Variants in DHX57 observed in about 807,000 individuals in gnomAD.
The protein encoded by DHX57 is putative ATP-dependent RNA helicase DHX57.
In DHX57, 105 loss-of-function variants were observed where a neutral mutation model predicts 156.2. The observed-to-expected ratio is 0.67, with a 90% CI of 0.57 to 0.79. DHX57 has a LOEUF of 0.79. Among genes scored for constraint, DHX57 ranks in the 30% least tolerant of loss-of-function variants. The pLI is 0.00. For missense variants in DHX57, 1,847 were observed against 1,661.9 expected, an observed-to-expected ratio of 1.11 and a Z score of -1.94; for synonymous variants, 704 against 595.6, an observed-to-expected ratio of 1.18 and a Z score of -2.65.
At chr2:38,827,505 AATATATATAT>A (rs61667849) in intron 14 of DHX57, among the ~76,000 whole-genome samples, 8 of 10,148 alleles carry the variant, frequency 7.9e-4, no homozygotes, top group African/African-American at 1.1e-3. Context: ...AAAAAAAAAA[AATATATATAT>A]ATATATATAT....
chr2:38,863,623 GT>G, intron 2 of DHX57, 104 bp from the exon 3 acceptor site: 1 of 1,032,470 alleles, frequency 9.7e-7, no homozygotes, highest in South Asian at 1.9e-5. Context: ...GGATTGTCAA[GT>G]ATCTTACAAA....
Position 38,798,274 on chromosome 2 carries a change from A to T in DHX57, c.*25T>A. 1 of 1,600,026 alleles carries T rather than the reference A, an allele frequency of 6.2e-7. No individual in the cohort carries two copies. Among genetic ancestry groups the T allele is most frequent in the African/African-American group, 1.3e-5 (1 of 74,440 alleles). ...CCAGGTGAGCTAGAAGCAGGTGAGT[A>T]GCAAGCACTCTCTAAGACTGCTTTT... On this transcript the variant is annotated 3_prime_UTR_variant, in exon 24 of 24. Transcript: ENST00000457308.
At chr2:38,873,836 C>T (rs3112169) in intron 1 of DHX57, among the ~76,000 whole-genome samples, 141,261 of 152,178 alleles carry the variant, frequency 0.93, 66,501 homozygotes, top group East Asian at 1. Context: ...AAAAAACCCC[C>T]GAGGCAGTTA....
Position 38,826,469 on chromosome 2 carries a change from A to G in DHX57, c.2813+47T>C, listed in dbSNP as rs776609055. 5.0e-6 allele frequency: 8 copies of G among 1,593,994 alleles called. No homozygotes were observed. The South Asian group carries it at 7.9e-5, about 16-fold the overall frequency. On this transcript the variant is annotated intron_variant, in intron 15 of 23. Transcript: ENST00000457308. ...GCCACTAACAACGGTGTCTCCCTAA[A>G]TGAAGCATTTTTAGCCCCTCTCTTA...
At chr2:38,873,210 C>T (rs185240605) in intron 1 of DHX57, among the ~76,000 whole-genome samples, 351 of 152,252 alleles carry the variant, frequency 2.3e-3, no homozygotes, top group Middle Eastern at 6.8e-3. Flanking sequence ...AGGCTGGTCT[C>T]GAATTCCTGA....
chr2:38,802,976 C>T (rs578111377), intron 22 of DHX57, 61 bp from the exon 23 acceptor site: 3 of 1,587,214 alleles, frequency 1.9e-6, no homozygotes, highest in East Asian at 2.2e-5. Flanking sequence ...GGGAACAACC[C>T]CCCAGTCCCA....
At chr2:38,802,974 C>T (rs1447265174) in intron 22 of DHX57, 59 bp from the exon 23 acceptor site, 8 of 1,579,288 alleles carry the variant, frequency 5.1e-6, no homozygotes, top group East Asian at 4.5e-5. Flanking sequence ...AAGGGAACAA[C>T]CCCCCAGTCC....
intron 11 of DHX57, among the ~76,000 whole-genome samples, chr2:38,845,313 T>C (rs745744067): frequency 2.0e-5 from 3 of 152,154 alleles, no homozygotes; most frequent in Admixed American, 1.3e-4. Context: ...GAAACTCATA[T>C]TCAATGGTAG....
chr2:38,803,075 A>G (rs1356712979), intron 22 of DHX57, 160 bp from the exon 23 acceptor site: 14 of 656,176 alleles, frequency 2.1e-5, no homozygotes, highest in Non-Finnish European at 3.1e-5. Context: ...ATAACTATTG[A>G]CTTGCCATCT....
intron 20 of DHX57, among the ~76,000 whole-genome samples, chr2:38,814,268 G>T (rs1274952301): frequency 6.6e-6 from 1 of 151,978 alleles, no homozygotes; most frequent in African/African-American, 2.4e-5. Context: ...TGTGCTGTAG[G>T]ATTTACCGTT....
rs192083253 is a variant in DHX57 at position 38,838,940 on chromosome 2, T to C, written c.2426-993A>G. Reference sequence around the variant, plus strand: ...TCGGCTCTTTTATTTTTTTATTTTATTTTATTTTTGAGACAGAGTCTTGCT... The same window carrying C: ...TCGGCTCTTTTATTTTTTTATTTTACTTTATTTTTGAGACAGAGTCTTGCT... On this transcript the variant is annotated intron_variant, in intron 12 of 23. Coordinates refer to ENST00000457308, the MANE Select transcript of DHX57 (RefSeq NM_198963.3). The C allele has an allele frequency of 2.2e-4, 57 of 258,882 alleles. 1 individual carries two copies. In the East Asian group the frequency reaches 7.2e-3, roughly 33 times the overall value. 16.0% of individuals were successfully genotyped at this position (258,882 alleles called of 1,614,324 possible).
At chr2:38,805,167 G>T (rs1473176102) in intron 22 of DHX57, among the ~76,000 whole-genome samples, 6 of 152,172 alleles carry the variant, frequency 3.9e-5, no homozygotes, top group Non-Finnish European at 7.3e-5. Flanking sequence ...ATATAAAAAA[G>T]GAGGGGGTGT....
At position 38,848,321 on chromosome 2, in the gene DHX57, G is replaced by A. The variant is rs751661639; in HGVS notation, c.2112C>T (p.Asn704=). The A allele has an allele frequency of 1.2e-5, 19 of 1,611,098 alleles. No homozygotes were observed. The highest frequency in any genetic ancestry group is 1.7e-4 in the Middle Eastern group (1 of 6,060). The change falls in exon 10 of 24, where the codon AAC becomes AAT. Residue 704 remains asparagine, a synonymous_variant. Transcript: ENST00000457308. ...TAAAATAGTCTGAAAAAAGCTCAGC[G>A]TTTAGAGTTGCACTCATTAAAATAA... ...LQVILMSATL[N]AELFSDYFNS...
At chr2:38,810,489 T>C (rs753808281) in intron 21 of DHX57, 33 of 549,376 alleles carry the variant, frequency 6.0e-5, no homozygotes, top group Non-Finnish European at 8.2e-5. Flanking sequence ...CCTGAGGGAA[T>C]TGATGTTGAT....
chr2:38,867,693 G>A (rs1665149413), intron 2 of DHX57, among the ~76,000 whole-genome samples: 1 of 152,002 alleles, frequency 6.6e-6, no homozygotes, highest in African/African-American at 2.4e-5. Context: ...CTAGTACCTG[G>A]GATTACAGGT....
At chr2:38,867,110 A>G (rs1483527660) in intron 2 of DHX57, 1 of 152,200 alleles carries the variant, frequency 6.6e-6, no homozygotes, top group Non-Finnish European at 1.5e-5. Flanking sequence ...AATACTTACC[A>G]TTGTGTTATA....
At chr2:38,826,425 G>A (rs549417425) in intron 15 of DHX57, 91 bp downstream of exon 15, 63 of 1,412,926 alleles carry the variant, frequency 4.5e-5, no homozygotes, top group East Asian at 9.2e-5. Flanking sequence ...ACAGTAATCC[G>A]TGTAGCTTAA....
At chr2:38,818,841 T>A (rs1432317633) in intron 19 of DHX57, 36 bp downstream of exon 19, 1 of 1,610,376 alleles carries the variant, frequency 6.2e-7, no homozygotes, top group Non-Finnish European at 8.5e-7. Flanking sequence ...GCTACTCTAA[T>A]AAAAAAATGA....
In DHX57 at chr2:38,862,219, A is replaced by G. The variant is rs756024088; in HGVS notation, c.498T>C (p.Tyr166=). ...AAGGCTCCACTGAGGCTAAGCCAGCATATTCCAAAGGATCCAAGTCGGGAA... is the reference window on the plus strand; with the variant it reads ...AAGGCTCCACTGAGGCTAAGCCAGCGTATTCCAAAGGATCCAAGTCGGGAA... ...SLVPDLDPLE[Y]AGLASVEPYV... is the part of the protein sequence containing the mutation. Residue 166 remains tyrosine, a synonymous_variant, in exon 4 of 24, where the codon TAT becomes TAC. Coordinates refer to ENST00000457308, the MANE Select transcript of DHX57 (RefSeq NM_198963.3). 1 of 1,614,030 alleles carries G rather than the reference A, an allele frequency of 6.2e-7. No individual in the cohort carries two copies. The highest frequency in any genetic ancestry group is 1.7e-5 in the Admixed American group (1 of 60,006).
Sources: allele counts gnomAD v4.1 joint callset (sites outside exome capture counted in the v4.1 genomes callset), GRCh38; gene constraint gnomAD v4.1.1; transcripts MANE v1.5; gene names NCBI Gene and HGNC (gene_info 2026-07-23, HGNC 2026-07-21).